The following MYO10 variants were observed in gnomAD, a reference collection of about 807,000 sequenced individuals.
The protein encoded by MYO10 is myosin X, also known as unconventional myosin-X.
In MYO10, 133 loss-of-function variants were observed where a neutral mutation model predicts 257.3. That is an observed-to-expected ratio of 0.52 (90% CI 0.45 to 0.60). MYO10 has a LOEUF of 0.60. MYO10 is among the 20% of genes least tolerant of loss of function. The probability of loss-of-function intolerance (pLI) is 0.00; values close to 1 mark genes in which losing one functional copy is unlikely to be tolerated. For synonymous variants in MYO10, 1,104 were observed against 1,028.6 expected (o/e 1.07, Z -1.40); for missense variants, 2,399 against 2,635.7 (o/e 0.91, Z 1.97).
intron 2 of MYO10, among the ~76,000 whole-genome samples, chr5:16,868,545 C>T (rs1744352139): frequency 1.3e-5 from 2 of 151,746 alleles, no homozygotes; most frequent in African/African-American, 4.8e-5. Context: ...CGGAGGTTTG[C>T]AGCAAGCCAA....
At chr5:16,784,631 G>C (rs560767053) in intron 4 of MYO10, among the ~76,000 whole-genome samples, 1 of 152,312 alleles carries the variant, frequency 6.6e-6, no homozygotes, top group East Asian at 1.9e-4. Context: ...GGATAAGCAA[G>C]AGCACAGCCA....
intron 19 of MYO10, among the ~76,000 whole-genome samples, chr5:16,720,476 C>T (rs1040762633): frequency 4.6e-5 from 7 of 151,838 alleles, no homozygotes; most frequent in South Asian, 4.2e-4. Context: ...ATTTTTGAGA[C>T]GGAGTCTCGC....
intron 19 of MYO10, among the ~76,000 whole-genome samples, chr5:16,711,651 A>G (rs2560834): frequency 0.78 from 117,642 of 150,636 alleles, 46,154 homozygotes; most frequent in Non-Finnish European, 0.81. Flanking sequence ...GCGTGGTGGC[A>G]CGCGCCTGTA....
At chr5:16,721,330 C>T (rs544193015) in intron 19 of MYO10, among the ~76,000 whole-genome samples, 1 of 152,282 alleles carries the variant, frequency 6.6e-6, no homozygotes, top group African/African-American at 2.4e-5. Flanking sequence ...GTTTATCATG[C>T]TTTGAACAAT....
chr5:16,889,188 TTAAAA>T (rs1690121678), intron 1 of MYO10, among the ~76,000 whole-genome samples: 3 of 136,104 alleles, frequency 2.2e-5, no homozygotes. Flanking sequence ...TTAAAAAAAT[TTAAAA>T]AAAAAAAAAA....
At chr5:16,878,734 G>A (rs967290195) in intron 1 of MYO10, among the ~76,000 whole-genome samples, 2 of 152,160 alleles carry the variant, frequency 1.3e-5, no homozygotes, top group African/African-American at 4.8e-5. Flanking sequence ...CTCAAGAATG[G>A]AAAACCAAAC....
chr5:16,868,671 A>T (rs893160176), intron 2 of MYO10, among the ~76,000 whole-genome samples: 2 of 152,016 alleles, frequency 1.3e-5, no homozygotes, highest in African/African-American at 4.8e-5. Flanking sequence ...AAGACAACTG[A>T]TTTCTAACTT....
In MYO10 at chr5:16,703,855, C is replaced by CT. The variant is rs1280926132; in HGVS notation, c.2277-698_2277-697insA. Among the ~76,000 whole-genome samples, 170 of 139,170 alleles carry CT rather than the reference C, an allele frequency of 1.2e-3. 1 individual carries two copies. The highest frequency in any genetic ancestry group is 2.8e-3 in the Admixed American group (35 of 12,394). 91.3% of individuals were successfully genotyped at this position (139,170 alleles called of 152,430 possible). A position where few individuals can be genotyped will look rare whatever the true frequency, so the allele number is the denominator to read the frequency against. On this transcript the variant is annotated intron_variant, in intron 22 of 40. Coordinates refer to ENST00000513610, the MANE Select transcript of MYO10 (RefSeq NM_012334.3). ...TGAGATCGCACCATTGCACTCCAGC[C>CT]AGACGAGCGAGCGAGACTCTGTCTC... is the stretch of plus-strand genomic sequence containing the variant.
chr5:16,919,567 T>C (rs1439133542), intron 1 of MYO10, among the ~76,000 whole-genome samples: 1 of 152,076 alleles, frequency 6.6e-6, no homozygotes, highest in African/African-American at 2.4e-5. Context: ...ATGTAAACAA[T>C]ACAATCACTT....
chr5:16,865,317 C>T (rs1004022255), intron 2 of MYO10, among the ~76,000 whole-genome samples: 16 of 152,250 alleles, frequency 1.1e-4, no homozygotes, highest in Middle Eastern at 3.4e-3. Context: ...CCACCCACCC[C>T]GATATTCATA....
At chr5:16,803,986 C>T (rs1008373533) in intron 3 of MYO10, among the ~76,000 whole-genome samples, 1 of 152,182 alleles carries the variant, frequency 6.6e-6, no homozygotes, top group Non-Finnish European at 1.5e-5. Flanking sequence ...CCTCTTCTGA[C>T]AGGTAATGGA....
Position 16,681,956 on chromosome 5 carries a change from C to T in MYO10, c.4104G>A (p.Thr1368=), listed in dbSNP as rs373291363. 23 of 1,613,930 alleles carry T rather than the reference C, an allele frequency of 1.4e-5. No individual in the cohort carries two copies. Among genetic ancestry groups the T allele is most frequent in the South Asian group, 7.7e-5 (7 of 91,076 alleles). ...TTATCCAGTGGTGCATCTCCTCCGG[C>T]GTGTCGGCGTTGCAGTGCAGCACCC... ...ANRVLHCNAD[T]PEEMHHWITL... Residue 1368 remains threonine, a synonymous_variant, in exon 31 of 41, where the codon ACG becomes ACA. Coordinates refer to ENST00000513610, the MANE Select transcript of MYO10 (RefSeq NM_012334.3).
intron 4 of MYO10, among the ~76,000 whole-genome samples, chr5:16,787,631 A>G (rs915141183): frequency 8.5e-6 from 1 of 117,690 alleles, no homozygotes; most frequent in African/African-American, 3.1e-5. Context: ...AAAAAAAAAA[A>G]AAACTTTCTA....
chr5:16,681,770 G>T, intron 31 of MYO10, 101 bp downstream of exon 31: 1 of 1,380,912 alleles, frequency 7.2e-7, no homozygotes, highest in Non-Finnish European at 9.8e-7. Flanking sequence ...CAGTTAAAAT[G>T]ACTGGGAAAA....
intron 1 of MYO10, among the ~76,000 whole-genome samples, chr5:16,918,654 T>A (rs1745895338): frequency 6.6e-6 from 1 of 151,838 alleles, no homozygotes; most frequent in Non-Finnish European, 1.5e-5. Context: ...GCATGCACCA[T>A]CACGCCTGGC....
chr5:16,901,573 G>A (rs557248040), intron 1 of MYO10, among the ~76,000 whole-genome samples: 7 of 152,152 alleles, frequency 4.6e-5, no homozygotes, highest in East Asian at 1.9e-4. Flanking sequence ...TTACCTCTAC[G>A]GCATTTAAAT....
intron 22 of MYO10, 136 bp downstream of exon 22, chr5:16,704,443 G>T: frequency 1.5e-6 from 1 of 660,510 alleles, no homozygotes; most frequent in Non-Finnish European, 2.6e-6. Flanking sequence ...CTAGGTTTCG[G>T]GAGTGGCTGC....
chr5:16,702,891 C>A, intron 23 of MYO10, 34 bp downstream of exon 23: 1 of 1,522,632 alleles, frequency 6.6e-7, no homozygotes, highest in South Asian at 1.2e-5. Flanking sequence ...AAAATGTATC[C>A]ATTTGTTTCA....
At chr5:16,874,474 T>A (rs1744542764) in intron 2 of MYO10, among the ~76,000 whole-genome samples, 1 of 151,908 alleles carries the variant, frequency 6.6e-6, no homozygotes, top group Non-Finnish European at 1.5e-5. Context: ...GCTTTGCTGC[T>A]TAGAAATTTC....
Sources: gnomAD v4.1 joint callset for allele counts (sites outside exome capture counted in the v4.1 genomes callset) on GRCh38, gnomAD v4.1.1 for gene constraint, MANE v1.5 for transcripts, NCBI Gene and HGNC (gene_info 2026-07-23, HGNC 2026-07-21) for gene names.